The following ATP2A3 variants were observed in gnomAD, a reference collection of about 807,000 sequenced individuals.
ATP2A3 encodes the protein ATPase sarcoplasmic/endoplasmic reticulum Ca2+ transporting 3.
Under a neutral mutation model 106.8 loss-of-function variants are expected in ATP2A3, and 61 were observed. The observed-to-expected ratio is 0.57, with a 90% CI of 0.46 to 0.71. The LOEUF (loss-of-function observed/expected upper bound fraction) is 0.71. Among genes scored for constraint, ATP2A3 ranks in the 30% least tolerant of loss-of-function variants. ATP2A3 has a pLI of 0.00. For missense variants in ATP2A3, 1,201 were observed against 1,423.5 expected (o/e 0.84, Z 2.52); for synonymous variants, 611 against 609.3 (o/e 1.00, Z -0.04).
At position 3,947,172 on chromosome 17, in the gene ATP2A3, C is replaced by T. The variant is rs1189324471; in HGVS notation, c.1095+219G>A. ...GACTGTCAGCAACCTGGCCAGGGCC[C>T]CACAGTGACACACAGGCCTCAGTGA... is the stretch of plus-strand genomic sequence containing the variant. On this transcript the variant is annotated intron_variant, in intron 8 of 20. Transcript: ENST00000397041. This position sits in a 1 kb window ranked among gnomAD's most constrained non-coding sequence, Gnocchi z 7.7. Among the ~76,000 whole-genome samples the T allele has an allele frequency of 6.6e-6, 1 of 152,182 alleles. No individual in the cohort carries two copies. Among genetic ancestry groups the T allele is most frequent in the Admixed American group, 6.5e-5 (1 of 15,282 alleles).
At position 3,951,354 on chromosome 17, in the gene ATP2A3, C is replaced by T; in HGVS notation, c.360G>A (p.Lys120=). ...RNAESAIEAL[K]EYEPEMGKVI... Reference sequence around the variant, plus strand: ...CCTTGCCCATCTCAGGCTCATACTCCTTCAGGGCCTCGATGGCACTCTCGG... The same window carrying T: ...CCTTGCCCATCTCAGGCTCATACTCTTTCAGGGCCTCGATGGCACTCTCGG... Residue 120 remains lysine (K), a synonymous_variant, in exon 5 of 21, where the codon AAG becomes AAA. Coordinates refer to ENST00000397041, the MANE Select transcript of ATP2A3 (RefSeq NM_005173.4). 1.2e-6 allele frequency: 2 copies of T among 1,613,730 alleles called. No homozygotes were observed. Among genetic ancestry groups the T allele is most frequent in the Non-Finnish European group, 1.7e-6 (2 of 1,179,918 alleles).
At chr17:3,927,938 A>T (rs1285968765) in intron 20 of ATP2A3, 1 of 1,611,714 alleles carries the variant, frequency 6.2e-7, no homozygotes, top group East Asian at 2.2e-5. Context: ...GTCCAGCCAT[A>T]CGGCCACCGC....
Position 3,943,460 on chromosome 17 carries a change from C to T in ATP2A3, c.1350G>A (p.Glu450=). The T allele has an allele frequency of 6.2e-7, 1 of 1,614,140 alleles. No homozygotes were observed. Among genetic ancestry groups the T allele is most frequent in the Non-Finnish European group, 8.5e-7 (1 of 1,180,016 alleles). The change falls in exon 11 of 21, where the codon GAG becomes GAA. Residue 450 remains glutamate, a synonymous_variant. Transcript: ENST00000397041. The part of the protein sequence containing the change: ...ATETALTCLV[E]KMNVFDTDLQ... ...GGTCGGTGTCGAACACGTTCATCTT[C>T]TCCACCAGGCAAGTCAGAGCTGTCT...
At chr17:3,951,553 G>GACCCCCCCC in intron 4 of ATP2A3, 28 bp downstream of exon 4, 1 of 647,376 alleles carries the variant, frequency 1.5e-6, no homozygotes, top group Non-Finnish European at 2.1e-6. Flanking sequence ...ACCGCCCCCC[G>GACCCCCCCC]CCCGGTCCCA....
Position 3,930,339 on chromosome 17 carries a change from G to A in ATP2A3, c.2706C>T (p.Ser902=), listed in dbSNP as rs771653439. ...ESRFPTTMAL[S]VLVTIEMCNA... ...TGCACATTTCAATGGTCACGAGCAC[G>A]GACAAGGCCATGGTGGTGGGGAAGC... The change falls in exon 18 of 21, where the codon TCC becomes TCT. Residue 902 remains serine (S), a synonymous_variant. Transcript: ENST00000397041. This position sits in a 1 kb window ranked among gnomAD's most constrained non-coding sequence, Gnocchi z 5.4. The A allele has an allele frequency of 1.1e-5, 18 of 1,611,698 alleles. No individual in the cohort carries two copies. The highest frequency in any genetic ancestry group is 1.1e-4 in the East Asian group (5 of 44,830).
chr17:3,948,829 C>G (rs532480118), intron 7 of ATP2A3, among the ~76,000 whole-genome samples: 1 of 152,228 alleles, frequency 6.6e-6, no homozygotes, highest in Admixed American at 6.5e-5. Flanking sequence ...AGGTAGGCCC[C>G]TCTCAAGAAG....
At chr17:3,932,278 G>C (rs1259958575) in intron 17 of ATP2A3, among the ~76,000 whole-genome samples, 1 of 151,790 alleles carries the variant, frequency 6.6e-6, no homozygotes, top group African/African-American at 2.4e-5. Context: ...TGAGTAGCTG[G>C]GACTACAGGC....
Position 3,925,108 on chromosome 17 carries a change from G to A in ATP2A3, c.*314C>T. Reference sequence around the variant, plus strand: ...GGGGTGGGGGGGCCCCGGATCTCTGGGTATGCTGCCAGCTCCGGCTTCTTG... The same window carrying A: ...GGGGTGGGGGGGCCCCGGATCTCTGAGTATGCTGCCAGCTCCGGCTTCTTG... On this transcript the variant is annotated 3_prime_UTR_variant, in exon 21 of 21. Coordinates refer to ENST00000397041, the MANE Select transcript of ATP2A3 (RefSeq NM_005173.4). This position sits in a 1 kb window ranked among gnomAD's most constrained non-coding sequence, Gnocchi z 4.2. 1 of 558,834 alleles carries A rather than the reference G, an allele frequency of 1.8e-6. No homozygotes were observed. The highest frequency in any genetic ancestry group is 3.2e-6 in the Non-Finnish European group (1 of 311,256). 34.6% of individuals were successfully genotyped at this position (558,834 alleles called of 1,614,324 possible).
intron 1 of ATP2A3, among the ~76,000 whole-genome samples, chr17:3,963,681 G>A (rs1415033679): frequency 6.6e-6 from 1 of 152,192 alleles, no homozygotes; most frequent in African/African-American, 2.4e-5. Flanking sequence ...GGGGGTGGGG[G>A]CCCCAAGGCT....
Position 3,928,322 on chromosome 17 carries a change from G to A in ATP2A3, c.2980+341C>T. 1 of 1,612,978 alleles carries A rather than the reference G, an allele frequency of 6.2e-7. No individual in the cohort carries two copies. The highest frequency in any genetic ancestry group is 8.5e-7 in the Non-Finnish European group (1 of 1,179,950). ...ACTGTCCTGAGAAGGCCTGGATAAA[G>A]ACAGGCTGGGTGCAGAGGGGTCAGA... On this transcript the variant is annotated intron_variant, in intron 20 of 20. Coordinates refer to ENST00000397041, the MANE Select transcript of ATP2A3 (RefSeq NM_005173.4). This position sits in a 1 kb window ranked among gnomAD's most constrained non-coding sequence, Gnocchi z 6.1.
In ATP2A3 at chr17:3,924,849, G is replaced by A. The variant is rs758566193; in HGVS notation, c.*573C>T. 13 of 456,898 alleles carry A rather than the reference G, an allele frequency of 2.8e-5. 1 individual carries two copies. The highest frequency in any genetic ancestry group is 2.0e-4 in the South Asian group (13 of 64,570). The allele number at this position is 456,898 out of a possible 1,614,324, so 28.3% of individuals were successfully genotyped here. A position where few individuals can be genotyped will look rare whatever the true frequency, so the allele number is the denominator to read the frequency against. ...CCTCGAGCTCTCGGGAGCCGACTTT[G>A]TGGAAGCAGAGTGGAGTGGAGGGGG... On this transcript the variant is annotated 3_prime_UTR_variant, in exon 21 of 21. Coordinates refer to ENST00000397041, the MANE Select transcript of ATP2A3 (RefSeq NM_005173.4). This position sits in a 1 kb window ranked among gnomAD's most constrained non-coding sequence, Gnocchi z 6.4.
intron 13 of ATP2A3, 44 bp downstream of exon 13, chr17:3,941,392 T>C: frequency 1.2e-6 from 2 of 1,612,716 alleles, no homozygotes; most frequent in Non-Finnish European, 1.7e-6. Context: ...ACTTGGCTCC[T>C]GCACCCACCT....
At chr17:3,939,771 G>C (rs1380237048) in intron 14 of ATP2A3, among the ~76,000 whole-genome samples, 1 of 117,566 alleles carries the variant, frequency 8.5e-6, no homozygotes, top group African/African-American at 3.2e-5. Flanking sequence ...CTGGGTGACA[G>C]AGCGAGACTC....
Position 3,929,423 on chromosome 17 carries a change from G to A in ATP2A3, c.2767C>T (p.Leu923=). Residue 923 remains leucine (L), a synonymous_variant, in exon 19 of 21, where the codon CTG becomes TTG. Coordinates refer to ENST00000397041, the MANE Select transcript of ATP2A3 (RefSeq NM_005173.4). The surrounding 1 kb of genome is among the most constrained non-coding windows in gnomAD (Gnocchi z 4.3). Reference sequence around the variant, plus strand: ...GGGTTCATCCAGGGCGGCATCCGCAGCAGCGACTGGTTCTCCGAGACGCTG... The same window carrying A: ...GGGTTCATCCAGGGCGGCATCCGCAACAGCGACTGGTTCTCCGAGACGCTG... ...LNSVSENQSL[L]RMPPWMNPWL... is the part of the protein sequence containing the mutation. The A allele has an allele frequency of 6.3e-7, 1 of 1,593,620 alleles. No homozygotes were observed. Among genetic ancestry groups the A allele is most frequent in the South Asian group, 1.1e-5 (1 of 87,894 alleles).
Position 3,955,324 on chromosome 17 carries a change from TCTGC to T in ATP2A3, c.119-1618_119-1615del. ...GACCACCTGTTTGGAAGCTTTGGGG[TCTGC>T]ACCTGGCAGCTGAACCCTGGGGAGT... is the stretch of plus-strand genomic sequence containing the variant. On this transcript the variant is annotated intron_variant, in intron 1 of 20. Transcript: ENST00000397041. The surrounding 1 kb of genome is among the most constrained non-coding windows in gnomAD (Gnocchi z 4.2). Among the ~76,000 whole-genome samples the T allele has an allele frequency of 6.6e-6, 1 of 152,094 alleles. No homozygotes were observed. The highest frequency in any genetic ancestry group is 6.5e-5 in the Admixed American group (1 of 15,272).
At chr17:3,960,807 G>A (rs1406000421) in intron 1 of ATP2A3, among the ~76,000 whole-genome samples, 2 of 152,162 alleles carry the variant, frequency 1.3e-5, no homozygotes, top group Non-Finnish European at 2.9e-5. Context: ...GACAGCTGAC[G>A]ACACTGAAAA....
At position 3,941,718 on chromosome 17, in the gene ATP2A3, C is replaced by T. The variant is rs1474412171; in HGVS notation, c.1546-64G>A. ...TCAGAACCCCTCCTCTCCTTCCTGC[C>T]CAAACTCAGGAAACTGAGACTAAGA... is the stretch of plus-strand genomic sequence containing the variant. On this transcript the variant is annotated intron_variant, in intron 12 of 20. Coordinates refer to ENST00000397041, the MANE Select transcript of ATP2A3 (RefSeq NM_005173.4). 7 of 1,541,668 alleles carry T rather than the reference C, an allele frequency of 4.5e-6. No individual in the cohort carries two copies. The East Asian group carries it at 9.2e-5, about 20-fold the overall frequency.
chr17:3,941,310 T>C lies in ATP2A3; in HGVS notation c.1765-4A>G, dbSNP rs765731009. The C allele has an allele frequency of 3.7e-6, 6 of 1,613,700 alleles. No individual in the cohort carries two copies. Among genetic ancestry groups the C allele is most frequent in the Middle Eastern group, 3.3e-4 (2 of 6,050 alleles). On this transcript the variant is annotated splice_region_variant and splice_polypyrimidine_tract_variant and intron_variant, in intron 13 of 20. Coordinates refer to ENST00000397041, the MANE Select transcript of ATP2A3 (RefSeq NM_005173.4). ...AGCCCACGAAGGTCAGGTCCGTCTGTAGGGAGGGGGCAGATTCAAGCGGGG... is the reference window on the plus strand; with the variant it reads ...AGCCCACGAAGGTCAGGTCCGTCTGCAGGGAGGGGGCAGATTCAAGCGGGG...
chr17:3,937,781 A>G, intron 14 of ATP2A3, 145 bp from the exon 15 acceptor site: 1 of 875,718 alleles, frequency 1.1e-6, no homozygotes, highest in Non-Finnish European at 1.8e-6. Flanking sequence ...TTCAAGAATG[A>G]ACTAGAAATT....
Sources: allele counts gnomAD v4.1 joint callset (sites outside exome capture counted in the v4.1 genomes callset), GRCh38; gene constraint gnomAD v4.1.1; non-coding constraint Gnocchi (gnomAD v3.1); transcripts MANE v1.5; gene names NCBI Gene and HGNC (gene_info 2026-07-23, HGNC 2026-07-21).